Variants in MICAL1 observed in about 807,000 individuals in gnomAD.
MICAL1 encodes [F-actin]-monooxygenase MICAL1.
A neutral mutation model predicts 131.8 loss-of-function variants in MICAL1; 95 were observed. The ratio of observed to expected loss-of-function variants is 0.72; its 90% confidence interval spans 0.61 to 0.86. The LOEUF is 0.86. Among genes scored for constraint, MICAL1 ranks in the 40% least tolerant of loss-of-function variants. MICAL1 has a pLI of 0.00. For synonymous variants in MICAL1, 546 were observed against 554.2 expected, an observed-to-expected ratio of 0.99 and a Z score of 0.21; for missense variants, 1,292 against 1,380.6, an observed-to-expected ratio of 0.94 and a Z score of 1.02.
Position 109,445,298 on chromosome 6 carries a change from G to T in MICAL1, c.2788-8C>A, listed in dbSNP as rs746188692. ...TAGTCGCCGTTGGATGGTCTGAGGG[G>T]TACAAGACAGAATATCCAGGAGTCT... On this transcript the variant is annotated splice_polypyrimidine_tract_variant and splice_region_variant and intron_variant, in intron 21 of 24. Transcript: ENST00000358807. 2.1e-5 allele frequency: 34 copies of T among 1,613,958 alleles called. No individual in the cohort carries two copies. Among genetic ancestry groups the T allele is most frequent in the Non-Finnish European group, 2.6e-5 (31 of 1,180,024 alleles).
chr6:109,449,551 G>T (rs1165483189), intron 10 of MICAL1, 70 bp from the exon 11 acceptor site: 1 of 1,605,694 alleles, frequency 6.2e-7, no homozygotes, highest in African/African-American at 1.3e-5. Flanking sequence ...GTAAGGGCCT[G>T]CCGGGGGTAG....
In MICAL1 at chr6:109,451,669, C is replaced by T. The variant is rs549140023; in HGVS notation, c.864G>A (p.Lys288=). 340 of 1,614,058 alleles carry T rather than the reference C, an allele frequency of 2.1e-4. 7 individuals carry two copies. In the South Asian group the frequency reaches 3.6e-3, roughly 17 times the overall value. ...GIDLENIVYY[K]DDTHYFVMTA... ...TCATCACAAAGTAGTGGGTGTCGTC[C>T]TTGTAGTACACAATGTTCTCCAGAT... is the stretch of plus-strand genomic sequence containing the variant. The change falls in exon 7 of 25, where the codon AAG becomes AAA. Residue 288 remains lysine, a synonymous_variant. Coordinates refer to ENST00000358807, the MANE Select transcript of MICAL1 (RefSeq NM_022765.4).
upstream of MICAL1, chr6:109,455,963 C>T (rs1775734601): frequency 1.0e-6 from 1 of 985,524 alleles, no homozygotes; most frequent in Non-Finnish European, 1.2e-6. This position sits in a 1 kb window ranked among gnomAD's most constrained non-coding sequence, Gnocchi z 4.7. Context: ...ATCCCTCTAC[C>T]GCCTCCAGCG....
rs577983992 is a variant in MICAL1, at chr6:109,450,631, C to T, written c.934-74G>A. On this transcript the variant is annotated intron_variant, in intron 7 of 24. Coordinates refer to ENST00000358807, the MANE Select transcript of MICAL1 (RefSeq NM_022765.4). Reference sequence around the variant, plus strand: ...AGTGGGCCAGTGCCACCCCCTTGGGCGCAGAAGGTGCACATCCTGGGGCCC... The same window carrying T: ...AGTGGGCCAGTGCCACCCCCTTGGGTGCAGAAGGTGCACATCCTGGGGCCC... The T allele has an allele frequency of 2.2e-5, 33 of 1,493,690 alleles. No individual in the cohort carries two copies. The Admixed American group carries it at 3.3e-4, about 15-fold the overall frequency. The allele number at this position is 1,493,690 out of a possible 1,614,324, so 92.5% of individuals were successfully genotyped here.
Position 109,455,748 on chromosome 6 carries a change from T to C in MICAL1, c.-73A>G. 2 of 964,348 alleles carry C rather than the reference T, an allele frequency of 2.1e-6. No homozygotes were observed. The highest frequency in any genetic ancestry group is 2.4e-6 in the Non-Finnish European group (2 of 825,380). 59.7% of individuals were successfully genotyped at this position (964,348 alleles called of 1,614,324 possible). A position where few individuals can be genotyped will look rare whatever the true frequency, so the allele number is the denominator to read the frequency against. The stretch of plus-strand genomic sequence containing the variant: ...GGCTCCGAAGCCGGGAGGGGCCGCT[T>C]CCTGTTGGGCTGGCAACCAGGTCTG... On this transcript the variant is annotated 5_prime_UTR_variant, in exon 1 of 25. Coordinates refer to ENST00000358807, the MANE Select transcript of MICAL1 (RefSeq NM_022765.4). This position sits in a 1 kb window ranked among gnomAD's most constrained non-coding sequence, Gnocchi z 4.7.
intron 5 of MICAL1, 39 bp downstream of exon 5, chr6:109,452,472 C>T (rs1288143646): frequency 6.2e-7 from 1 of 1,611,372 alleles, no homozygotes; most frequent in Non-Finnish European, 8.5e-7. Context: ...CCAGGATGTG[C>T]CAGAGATGCT....
At chr6:109,449,880 C>T in intron 9 of MICAL1, 90 bp downstream of exon 9, 2 of 1,586,056 alleles carry the variant, frequency 1.3e-6, no homozygotes, top group South Asian at 1.2e-5. Context: ...CTGCCTATTC[C>T]TCCGTCTATT....
At chr6:109,465,568 T>G in intron 1 of MICAL1, 1 of 1,309,836 alleles carries the variant, frequency 7.6e-7, no homozygotes, top group Non-Finnish European at 1.0e-6. Context: ...CTGAGATCAA[T>G]GCCCCCAAAG....
intron 1 of MICAL1, chr6:109,465,449 C>T (rs1269048621): frequency 1.0e-5 from 6 of 594,438 alleles, no homozygotes; most frequent in Non-Finnish European, 1.8e-5. Flanking sequence ...ACCATTCTGC[C>T]CAGTTCAACC....
At chr6:109,444,853 G>A in intron 23 of MICAL1, 43 bp downstream of exon 23, 1 of 1,614,114 alleles carries the variant, frequency 6.2e-7, no homozygotes, top group Non-Finnish European at 8.5e-7. Context: ...CAAGGGGCTG[G>A]AGCCTGGCCC....
chr6:109,451,312 C>T (rs932621738), intron 7 of MICAL1, among the ~76,000 whole-genome samples: 1 of 152,114 alleles, frequency 6.6e-6, no homozygotes, highest in East Asian at 1.9e-4. Flanking sequence ...CGCCAACAAG[C>T]CCAGCTAATT....
At chr6:109,460,929 T>C (rs1248049873) in intron 1 of MICAL1, among the ~76,000 whole-genome samples, 1 of 152,188 alleles carries the variant, frequency 6.6e-6, no homozygotes, top group African/African-American at 2.4e-5. Context: ...ACCTTACCAG[T>C]AACTTTCATC....
intron 12 of MICAL1, 69 bp downstream of exon 12, chr6:109,448,663 G>C: frequency 6.3e-7 from 1 of 1,588,236 alleles, no homozygotes; most frequent in East Asian, 2.2e-5. Context: ...ACTGTCTCTA[G>C]GATTCAACTG....
chr6:109,452,527 A>C lies in MICAL1; in HGVS notation c.660T>G (p.Gly220=), dbSNP rs1582650955. 6.2e-7 allele frequency: 1 copy of C among 1,613,620 alleles called. No homozygotes were observed. Among genetic ancestry groups the C allele is most frequent in the African/African-American group, 1.3e-5 (1 of 74,882 alleles). ...EFDVLISAAG[G]KFVPEGFKVR... is the part of the protein sequence containing the mutation. The stretch of plus-strand genomic sequence containing the variant: ...ATCACTCACCTTCAGGGACGAATTT[A>C]CCTCCTGCAGCCGAGATAAGGACGT... The change falls in exon 5 of 25, where the codon GGT becomes GGG. Residue 220 remains glycine, a synonymous_variant. Coordinates refer to ENST00000358807, the MANE Select transcript of MICAL1 (RefSeq NM_022765.4).
Position 109,449,756 on chromosome 6 carries a change from C to G in MICAL1, c.1335G>C (p.Gln445His), listed in dbSNP as rs749823779. The change falls in exon 10 of 25, where the codon CAG becomes CAC. Residue 445 changes from glutamine to histidine, a missense_variant. By Grantham distance (24) the Gln-to-His change is conservative (BLOSUM62 0). Transcript: ENST00000358807. ...ERESLYQLLS[Q>H]TSPENMHRNV... ...TGCGATGCATGTTTTCTGGGGATGT[C>G]TGTGACAGAAGCTGGTACAGGCTCT... 3.1e-6 allele frequency: 5 copies of G among 1,608,864 alleles called. No homozygotes were observed. Among genetic ancestry groups the G allele is most frequent in the East Asian group, 2.2e-5 (1 of 44,874 alleles).
upstream of MICAL1, among the ~76,000 whole-genome samples, chr6:109,460,156 G>A (rs866035289): frequency 2.6e-5 from 4 of 152,114 alleles, 1 homozygote; most frequent in Middle Eastern, 6.8e-3. Context: ...CCTACATTTT[G>A]TATTACTGAG....
rs931102890 is a variant in MICAL1 at position 109,455,386 on chromosome 6, C to T, written c.-44+333G>A. Among the ~76,000 whole-genome samples the T allele has an allele frequency of 5.3e-4, 80 of 152,260 alleles. 1 individual carries two copies. The highest frequency in any genetic ancestry group is 1.9e-3 in the African/African-American group (79 of 41,546). On this transcript the variant is annotated intron_variant, in intron 1 of 24. Coordinates refer to ENST00000358807, the MANE Select transcript of MICAL1 (RefSeq NM_022765.4). The surrounding 1 kb of genome is among the most constrained non-coding windows in gnomAD (Gnocchi z 4.7). ...AATCTCATGACGGAAGGGCAAAGAT[C>T]TTTCTTGGGGGTGGAGGGTGGAAGG...
intron 7 of MICAL1, 68 bp from the exon 8 acceptor site, chr6:109,450,625 C>T: frequency 4.0e-6 from 6 of 1,511,288 alleles, no homozygotes; most frequent in Middle Eastern, 1.8e-4. Context: ...GTGCCACCCC[C>T]TTGGGCGCAG....
At chr6:109,453,465 T>C in intron 3 of MICAL1, 98 bp from the exon 4 acceptor site, 1 of 1,507,696 alleles carries the variant, frequency 6.6e-7, no homozygotes, top group Non-Finnish European at 9.0e-7. Flanking sequence ...GAAAAGGCCT[T>C]AGCAATCACT....
Sources: gnomAD v4.1 joint callset for allele counts (sites outside exome capture counted in the v4.1 genomes callset) on GRCh38, gnomAD v4.1.1 for gene constraint, Gnocchi (gnomAD v3.1) non-coding constraint, MANE v1.5 for transcripts, NCBI Gene and HGNC (gene_info 2026-07-23, HGNC 2026-07-21) for gene names.